Variants in ATM observed in about 807,000 individuals in gnomAD.
ATM encodes the protein ATM serine/threonine kinase, also known as serine-protein kinase ATM.
ATM carries 308 observed loss-of-function variants against 387.0 expected under a neutral mutation model. The observed-to-expected ratio is 0.80, with a 90% CI of 0.73 to 0.87. The LOEUF (loss-of-function observed/expected upper bound fraction) is 0.87, where lower values mean the gene tolerates loss of function less well. Ranked by LOEUF, ATM falls within the 40% of genes least tolerant of loss-of-function variation. ATM has a pLI of 0.00. For synonymous variants in ATM, 1,156 were observed against 1,187.3 expected (o/e 0.97, Z 0.54); for missense variants, 3,312 against 3,560.9 (o/e 0.93, Z 1.78).
At chr11:108,301,861 C>CT in intron 35 of ATM, 72 bp downstream of exon 35, 3 of 1,519,222 alleles carry the variant, frequency 2.0e-6, no homozygotes, top group Non-Finnish European at 2.7e-6. Flanking sequence ...TGGGTCATGA[C>CT]TGTTAAATTG....
chr11:108,277,281 G>T (rs1213541304), intron 22 of ATM, among the ~76,000 whole-genome samples: 1 of 152,174 alleles, frequency 6.6e-6, no homozygotes, highest in Non-Finnish European at 1.5e-5. Context: ...TTTCAAGCCA[G>T]TGGATCTTAA....
intron 40 of ATM, among the ~76,000 whole-genome samples, chr11:108,315,606 GA>G (rs1341678353): frequency 6.7e-6 from 1 of 150,286 alleles, no homozygotes; most frequent in African/African-American, 2.4e-5. Flanking sequence ...TATATTTATT[GA>G]AAAAAAAATC....
chr11:108,320,227 ATTG>A (rs1333876689), intron 44 of ATM, among the ~76,000 whole-genome samples, 169 bp downstream of exon 44: 5 of 152,150 alleles, frequency 3.3e-5, no homozygotes, highest in Admixed American at 3.3e-4. Context: ...TTCAAAACAA[ATTG>A]TTTCTGGGAT....
At chr11:108,289,842 A>T (rs756387924) in intron 29 of ATM, 41 bp downstream of exon 29, 23 of 1,565,594 alleles carry the variant, frequency 1.5e-5, no homozygotes, top group African/African-American at 2.7e-5. Flanking sequence ...CAGTCTTTCT[A>T]TCCTGTTCTT....
intron 11 of ATM, 25 bp downstream of exon 11, chr11:108,252,056 G>A (rs2135345212): frequency 6.2e-7 from 1 of 1,601,858 alleles, no homozygotes; most frequent in Non-Finnish European, 8.5e-7. Context: ...TTAGCATGCT[G>A]CTGTTTTTTT....
At chr11:108,279,167 T>C (rs1425836915) in intron 22 of ATM, among the ~76,000 whole-genome samples, 2 of 152,184 alleles carry the variant, frequency 1.3e-5, no homozygotes, top group Non-Finnish European at 2.9e-5. Context: ...CTCAACTAAT[T>C]GGTGTTCGGC....
At chr11:108,335,770 G>T in intron 55 of ATM, 75 bp from the exon 56 acceptor site, 4 of 1,198,890 alleles carry the variant, frequency 3.3e-6, no homozygotes, top group Non-Finnish European at 4.9e-6. Context: ...AGTGCCCTTT[G>T]CTATTCTCAG....
intron 53 of ATM, among the ~76,000 whole-genome samples, chr11:108,333,197 A>G (rs2086469240): frequency 6.6e-6 from 1 of 152,206 alleles, no homozygotes. Context: ...AAAATAATTG[A>G]ATAACTGAAC....
rs375783941 is a variant in ATM, at chr11:108,315,856, G to A, written c.6040G>A (p.Glu2014Lys). 2.5e-6 allele frequency: 4 copies of A among 1,613,152 alleles called. No individual in the cohort carries two copies. The South Asian group carries it at 4.4e-5, about 18-fold the overall frequency. Residue 2014 changes from glutamate to lysine, a missense_variant, in exon 41 of 63, where the codon GAG (glutamate) becomes AAG (lysine). Around this residue, in one of 4 missense-constraint regions of ATM, gnomAD observed 1,405 missense variants for 1,604.4 expected, o/e 0.88. Transcript: ENST00000675843. ...LLLEIYRSIG[E>K]PDSLYGCGGG... is the part of the protein sequence containing the mutation. ...CTTAGAAATCTACAGAAGTATAGGG[G>A]AGCCAGATAGTTTGTATGGCTGTGG...
intron 7 of ATM, among the ~76,000 whole-genome samples, chr11:108,246,763 C>G (rs2079866098): frequency 6.6e-6 from 1 of 152,156 alleles, no homozygotes; most frequent in African/African-American, 2.4e-5. Context: ...ATAAGAAACA[C>G]AGTTATCTAA....
In ATM at chr11:108,316,132, T is replaced by G. The variant is rs2136134022; in HGVS notation, c.6198+19T>G. On this transcript the variant is annotated intron_variant, in intron 42 of 62. Coordinates refer to ENST00000675843, the MANE Select transcript of ATM (RefSeq NM_000051.4). Reference sequence around the variant, plus strand: ...CATTCAGGTACATTTTTTCCCAGATTTGGTAAAGCCATCACTAGTGTAGTG... The same window carrying G: ...CATTCAGGTACATTTTTTCCCAGATGTGGTAAAGCCATCACTAGTGTAGTG... 1 of 1,606,178 alleles carries G rather than the reference T, an allele frequency of 6.2e-7. No individual in the cohort carries two copies. The highest frequency in any genetic ancestry group is 2.2e-5 in the East Asian group (1 of 44,800).
At position 108,319,995 on chromosome 11, in the gene ATM, A is replaced by G. The variant is rs2136220181; in HGVS notation, c.6389A>G (p.Asn2130Ser). ...ACCAGTTACCATGAATCATTGTACAATGCTCTACAATCTCTAAGAGACAGA... is the reference window on the plus strand; with the variant it reads ...ACCAGTTACCATGAATCATTGTACAGTGCTCTACAATCTCTAAGAGACAGA... ...EGTSYHESLY[N>S]ALQSLRDREF... The change falls in exon 44 of 63, where the codon AAT (asparagine) becomes AGT (serine). Residue 2130 changes from asparagine (N) to serine (S), a missense_variant. Asn to Ser is a conservative substitution (Grantham distance 46, BLOSUM62 1). Around this residue, in one of 4 missense-constraint regions of ATM, gnomAD observed 1,405 missense variants for 1,604.4 expected, o/e 0.88. Coordinates refer to ENST00000675843, the MANE Select transcript of ATM (RefSeq NM_000051.4). The G allele has an allele frequency of 1.9e-6, 3 of 1,612,922 alleles. No homozygotes were observed. The highest frequency in any genetic ancestry group is 2.5e-6 in the Non-Finnish European group (3 of 1,179,032).
At position 108,335,009 on chromosome 11, in the gene ATM, A is replaced by G. The variant is rs1555127107; in HGVS notation, c.8051A>G (p.Gln2684Arg). 8 of 1,613,816 alleles carry G rather than the reference A, an allele frequency of 5.0e-6. No homozygotes were observed. The highest frequency in any genetic ancestry group is 6.8e-6 in the Non-Finnish European group (8 of 1,179,704). The change falls in exon 55 of 63, where the codon CAG (glutamine) becomes CGG (arginine). Residue 2684 changes from glutamine (Q) to arginine (R), a missense_variant. By Grantham distance (43) the Gln-to-Arg change is conservative. This residue lies in a region of ATM where 1,405 missense variants were observed against 1,604.4 expected (regional missense o/e 0.88). Transcript: ENST00000675843. ...TGEYGNLVTI[Q>R]SFKAEFRLAG... ...GAATATGGAAATCTGGTGACTATAC[A>G]GTCATTTAAAGCAGAATTTCGCTTA...
At chr11:108,343,397 T>C (rs2087851222) in intron 57 of ATM, 26 bp downstream of exon 57, 2 of 1,612,752 alleles carry the variant, frequency 1.2e-6, no homozygotes, top group Non-Finnish European at 1.7e-6. Context: ...AATTAAAGGT[T>C]ATTGTAAGAT....
At chr11:108,312,162 C>A (rs1172722435) in intron 39 of ATM, among the ~76,000 whole-genome samples, 1 of 152,194 alleles carries the variant, frequency 6.6e-6, no homozygotes, top group African/African-American at 2.4e-5. Flanking sequence ...ACAATCCAAT[C>A]TCTTTATAAA....
At chr11:108,287,507 A>G in intron 26 of ATM, 93 bp from the exon 27 acceptor site, 4 of 753,124 alleles carry the variant, frequency 5.3e-6, no homozygotes, top group Non-Finnish European at 8.7e-6. Flanking sequence ...GTCATCGAAT[A>G]CTTTTGGAAA....
chr11:108,268,513 T>C lies in ATM; in HGVS notation c.2742T>C (p.Asn914=), dbSNP rs1057520522. ...LCLCVTTAQT[N]TVSFRAADIR... is the part of the protein sequence containing the mutation. ...TGTGTGTAACTACTGCTCAGACCAA[T>C]ACTGTGTCCTTTAGGGCAGCTGATA... Residue 914 remains asparagine (N), a synonymous_variant, in exon 18 of 63, where the codon AAT becomes AAC. Transcript: ENST00000675843. 2 of 1,614,128 alleles carry C rather than the reference T, an allele frequency of 1.2e-6. No homozygotes were observed. The highest frequency in any genetic ancestry group is 1.7e-6 in the Non-Finnish European group (2 of 1,179,998).
chr11:108,350,646 G>T lies in ATM; in HGVS notation c.8672-3120G>T, dbSNP rs149063400. On this transcript the variant is annotated intron_variant, in intron 59 of 62. Transcript: ENST00000675843. ...CCATGCCAACATTCAGCGAATGTGAGAGAAAACCTTACAGGTTTACAGAGT... is the reference window on the plus strand; with the variant it reads ...CCATGCCAACATTCAGCGAATGTGATAGAAAACCTTACAGGTTTACAGAGT... 2.6e-5 allele frequency among the ~76,000 whole-genome samples: 4 copies of T among 152,324 alleles called. No homozygotes were observed. The East Asian group carries it at 7.7e-4, about 29-fold the overall frequency.
intron 61 of ATM, among the ~76,000 whole-genome samples, chr11:108,360,228 C>G (rs1392718377): frequency 1.3e-5 from 2 of 149,362 alleles, no homozygotes; most frequent in East Asian, 3.9e-4. Flanking sequence ...CACATACACT[C>G]TCCCAAGACT....
Sources: allele counts gnomAD v4.1 joint callset (sites outside exome capture counted in the v4.1 genomes callset), GRCh38; gene constraint gnomAD v4.1.1; regional missense constraint gnomAD v4.1.1; transcripts MANE v1.5; gene names NCBI Gene and HGNC (gene_info 2026-07-23, HGNC 2026-07-21).